The following LDLRAD4 variants were observed in gnomAD, a reference collection of about 807,000 sequenced individuals.
LDLRAD4 encodes low density lipoprotein receptor class A domain containing 4, also known as low-density lipoprotein receptor class A domain-containing protein 4.
A neutral mutation model predicts 17.0 loss-of-function variants in LDLRAD4; 5 were observed. That is an observed-to-expected ratio of 0.29 (90% confidence interval 0.15 to 0.62). The LOEUF (loss-of-function observed/expected upper bound fraction) is 0.62. LDLRAD4 is among the 20% of genes least tolerant of loss of function. LDLRAD4 has a pLI of 0.84. For synonymous variants in LDLRAD4, 168 were observed against 171.8 expected, an observed-to-expected ratio of 0.98 and a Z score of 0.17; for missense variants, 340 against 424.7, an observed-to-expected ratio of 0.80 and a Z score of 1.75.
chr18:13,586,421 A>AAAAAAAAAAAAAAAAG (rs2094935592), intron 3 of LDLRAD4, among the ~76,000 whole-genome samples: 1 of 148,380 alleles, frequency 6.7e-6, no homozygotes, highest in Non-Finnish European at 1.5e-5. Context: ...AAAAAAAAAA[A>AAAAAAAAAAAAAAAAG]GAATAGAAAC....
intron 3 of LDLRAD4, among the ~76,000 whole-genome samples, chr18:13,496,222 C>T (rs185132028): frequency 2.0e-5 from 3 of 152,214 alleles, no homozygotes; most frequent in Admixed American, 1.3e-4. Context: ...GTCAGGAAAT[C>T]GTGTGCGTTG....
chr18:13,606,291 C>T (rs903930107), intron 3 of LDLRAD4, among the ~76,000 whole-genome samples: 1 of 152,190 alleles, frequency 6.6e-6, no homozygotes, highest in Non-Finnish European at 1.5e-5. Context: ...TCTATACCAC[C>T]ATAAATGTGG....
At chr18:13,466,084 A>G (rs1340363828) in intron 3 of LDLRAD4, among the ~76,000 whole-genome samples, 1 of 152,220 alleles carries the variant, frequency 6.6e-6, no homozygotes, top group Non-Finnish European at 1.5e-5. Flanking sequence ...TAATGAAGTA[A>G]TCTTTAAAAT....
intron 3 of LDLRAD4, among the ~76,000 whole-genome samples, chr18:13,565,859 G>C (rs1393175155): frequency 1.3e-5 from 2 of 152,250 alleles, no homozygotes; most frequent in Non-Finnish European, 2.9e-5. Flanking sequence ...TAAGGAGTTT[G>C]TGTTGATATT....
intron 1 of LDLRAD4, among the ~76,000 whole-genome samples, chr18:13,291,211 C>T (rs1251386674): frequency 1.3e-5 from 2 of 152,132 alleles, no homozygotes; most frequent in Non-Finnish European, 2.9e-5. Flanking sequence ...GTCTTTACAC[C>T]TCTCCAACTG....
intron 1 of LDLRAD4, among the ~76,000 whole-genome samples, chr18:13,341,520 T>C (rs559392015): frequency 2.0e-5 from 3 of 152,152 alleles, no homozygotes; most frequent in Non-Finnish European, 4.4e-5. Flanking sequence ...AATTTCCTTT[T>C]AGGATTTTTC....
chr18:13,634,853 T>C (rs1244985676), intron 4 of LDLRAD4, among the ~76,000 whole-genome samples: 1 of 151,408 alleles, frequency 6.6e-6, no homozygotes, highest in Non-Finnish European at 1.5e-5. Context: ...TGTAGTAAGT[T>C]TTGTAGTGTG....
At chr18:13,226,015 A>C (rs77854827) in intron 1 of LDLRAD4, among the ~76,000 whole-genome samples, 2,700 of 151,944 alleles carry the variant, frequency 0.018, 63 homozygotes, top group East Asian at 0.14. Context: ...AATTTATTAC[A>C]TAACTTGATA....
chr18:13,619,161 G>A (rs530412785), intron 3 of LDLRAD4, among the ~76,000 whole-genome samples: 122 of 152,250 alleles, frequency 8.0e-4, no homozygotes, highest in African/African-American at 2.6e-3. Context: ...GCTGCCTCCC[G>A]TGTCAAGAGG....
intron 3 of LDLRAD4, among the ~76,000 whole-genome samples, chr18:13,524,438 G>C (rs980542586): frequency 6.6e-6 from 1 of 151,904 alleles, no homozygotes; most frequent in Non-Finnish European, 1.5e-5. Context: ...CTTCACCTGG[G>C]GCTTTGAAAA....
intron 3 of LDLRAD4, among the ~76,000 whole-genome samples, chr18:13,580,367 C>T (rs1352378047): frequency 6.6e-6 from 1 of 152,242 alleles, no homozygotes; most frequent in Non-Finnish European, 1.5e-5. Context: ...ATCTCAAATC[C>T]TTTGGCTTTT....
chr18:13,549,856 C>T (rs192155188), intron 3 of LDLRAD4, among the ~76,000 whole-genome samples: 2 of 152,212 alleles, frequency 1.3e-5, no homozygotes, highest in Admixed American at 1.3e-4. Context: ...GCAATTTTGC[C>T]ATCAAACAGA....
rs560685737 is a variant in LDLRAD4, at chr18:13,588,094, C to A, written c.182-33023C>A. Among the ~76,000 whole-genome samples the A allele has an allele frequency of 7.9e-5, 12 of 152,188 alleles. No homozygotes were observed. The South Asian group carries it at 1.0e-3, about 13-fold the overall frequency. ...GATTATTCATATCGGGAAAAAAAAA[C>A]CATTCTCAGAAGAATAATTTCTTTG... On this transcript the variant is annotated intron_variant, in intron 3 of 5. Transcript: ENST00000359446.
At chr18:13,371,632 G>A (rs2084519422) in intron 1 of LDLRAD4, among the ~76,000 whole-genome samples, 1 of 152,046 alleles carries the variant, frequency 6.6e-6, no homozygotes. Context: ...GGGCATGGTG[G>A]TGTACACCTG....
Position 13,578,827 on chromosome 18 carries a change from CTTTTTTTTTTTTTT to C in LDLRAD4, c.182-42275_182-42262del, listed in dbSNP as rs1003295658. 2.3e-4 allele frequency among the ~76,000 whole-genome samples: 15 copies of C among 65,698 alleles called. 1 individual carries two copies. The highest frequency in any genetic ancestry group is 7.3e-4 in the South Asian group (1 of 1,362). The allele number at this position is 65,698 out of a possible 152,430, so 43.1% of individuals were successfully genotyped here. A position where few individuals can be genotyped will look rare whatever the true frequency, so the allele number is the denominator to read the frequency against. On this transcript the variant is annotated intron_variant, in intron 3 of 5. Transcript: ENST00000359446. ...TGACCCATTTAAAAGTTGTCCGGGT[CTTTTTTTTTTTTTT>C]TTTTTTTTTTTTTTGTCAGAGATCA...
intron 1 of LDLRAD4, among the ~76,000 whole-genome samples, chr18:13,373,409 T>C (rs1207674489): frequency 1.3e-5 from 2 of 152,234 alleles, no homozygotes; most frequent in African/African-American, 4.8e-5. Context: ...TTCAATGTTT[T>C]CTTTAGCTGC....
At chr18:13,540,849 T>C (rs928897340) in intron 3 of LDLRAD4, among the ~76,000 whole-genome samples, 12 of 152,238 alleles carry the variant, frequency 7.9e-5, no homozygotes, top group Admixed American at 7.2e-4. Context: ...ACCGTGTTTT[T>C]CTTCCTGTCT....
chr18:13,362,633 T>C (rs543182928), intron 1 of LDLRAD4: 15 of 152,184 alleles, frequency 9.9e-5, no homozygotes, highest in African/African-American at 3.6e-4. Context: ...ATAAAACAAG[T>C]GGAAAATTTA....
chr18:13,427,236 A>G (rs1262126959), intron 2 of LDLRAD4: 4 of 152,314 alleles, frequency 2.6e-5, no homozygotes, highest in Admixed American at 2.6e-4. Flanking sequence ...GAAAGAAAAG[A>G]AAAGAAAAAA....
Sources: gnomAD v4.1 joint callset for allele counts (sites outside exome capture counted in the v4.1 genomes callset) on GRCh38, gnomAD v4.1.1 for gene constraint, MANE v1.5 for transcripts, NCBI Gene and HGNC (gene_info 2026-07-23, HGNC 2026-07-21) for gene names.